EDA: variants seen among roughly 807,000 people sequenced by gnomAD.
EDA encodes ectodysplasin A.
A neutral mutation model predicts 23.6 loss-of-function variants in EDA; 2 were observed. The observed-to-expected ratio is 0.08, with a 90% CI of 0.03 to 0.27. EDA has a LOEUF of 0.27. Among genes scored for constraint, EDA ranks in the 10% least tolerant of loss-of-function variants. The pLI is 1.00. For missense variants in EDA, 229 were observed against 324.2 expected, an observed-to-expected ratio of 0.71 and a Z score of 2.26; for synonymous variants, 131 against 132.0, an observed-to-expected ratio of 0.99 and a Z score of 0.05.
intron 1 of EDA, among the ~76,000 whole-genome samples, chrX:69,677,773 T>C (rs1250897663): frequency 8.9e-6 from 1 of 111,898 alleles, no homozygotes; most frequent in Admixed American, 9.4e-5. Flanking sequence ...ATTCTGTAGG[T>C]TGCCTGTTCA....
At chrX:69,857,236 T>C (rs762574222) in intron 1 of EDA, among the ~76,000 whole-genome samples, 33 of 112,292 alleles carry the variant, frequency 2.9e-4, no homozygotes, top group African/African-American at 1.1e-3. Context: ...TCTATGTGCC[T>C]ATTTTTATAC....
chrX:69,749,207 C>T (rs1344457367), intron 1 of EDA, among the ~76,000 whole-genome samples: 39 of 82,231 alleles, frequency 4.7e-4, no homozygotes, highest in South Asian at 1.6e-3. Flanking sequence ...TTTGTTCTTG[C>T]GATAGTTTAC....
intron 2 of EDA, among the ~76,000 whole-genome samples, chrX:70,012,950 C>T (rs1272605747): frequency 1.8e-5 from 2 of 112,517 alleles, no homozygotes; most frequent in East Asian, 2.8e-4. Context: ...GCTCCCTCCT[C>T]TAATGCCCTC....
chrX:70,030,251 T>C (rs183592598), intron 5 of EDA, among the ~76,000 whole-genome samples: 1 of 112,275 alleles, frequency 8.9e-6, no homozygotes, highest in East Asian at 2.8e-4. Context: ...CTCAGAGGCA[T>C]TACATTTGGT....
chrX:69,678,180 T>C (rs747366610), intron 1 of EDA, among the ~76,000 whole-genome samples: 2 of 110,841 alleles, frequency 1.8e-5, no homozygotes, highest in African/African-American at 6.6e-5. Context: ...CATTGATCTA[T>C]ATCTCTGTTT....
chrX:70,030,943 G>A (rs1165003868), intron 6 of EDA, among the ~76,000 whole-genome samples: 1 of 112,746 alleles, frequency 8.9e-6, no homozygotes, highest in Non-Finnish European at 1.9e-5. Context: ...GGAAGGTGGG[G>A]CATGTTAGAA....
intron 1 of EDA, among the ~76,000 whole-genome samples, chrX:69,916,396 CTT>C (rs782071176): frequency 1.7e-5 from 1 of 58,147 alleles, no homozygotes; most frequent in African/African-American, 7.4e-5. Context: ...CTCTACTGTT[CTT>C]TTTTTTTTTT....
rs754295032 is a variant in EDA at position 69,851,498 on chromosome X, A to G, written c.397-105529A>G. 1.1e-4 allele frequency among the ~76,000 whole-genome samples: 12 copies of G among 112,497 alleles called. No individual in the cohort carries two copies. In the South Asian group the frequency reaches 4.4e-3, roughly 41 times the overall value. Reference sequence around the variant, plus strand: ...TTTGGATGTATTCACCTATGTGTGCATCTGTTCTTTTTCAGCTCTCATTTA... The same window carrying G: ...TTTGGATGTATTCACCTATGTGTGCGTCTGTTCTTTTTCAGCTCTCATTTA... On this transcript the variant is annotated intron_variant, in intron 1 of 7. Coordinates refer to ENST00000374552, the MANE Select transcript of EDA (RefSeq NM_001399.5).
chrX:69,745,670 A>G (rs977671498), intron 1 of EDA, among the ~76,000 whole-genome samples: 7 of 111,883 alleles, frequency 6.3e-5, no homozygotes, highest in African/African-American at 2.3e-4. Flanking sequence ...AGAAAATTCA[A>G]TCATAAAAAC....
chrX:69,626,459 C>G (rs1326682753), intron 1 of EDA, among the ~76,000 whole-genome samples: 2 of 111,989 alleles, frequency 1.8e-5, no homozygotes, highest in African/African-American at 6.5e-5. Flanking sequence ...CAATATTTTT[C>G]AGCCATTAAA....
chrX:70,027,127 ACC>A (rs763990449), intron 3 of EDA, among the ~76,000 whole-genome samples: 1 of 112,217 alleles, frequency 8.9e-6, no homozygotes, highest in South Asian at 3.7e-4. Context: ...CCACAAAGTG[ACC>A]CATAGGTCTA....
At chrX:69,732,103 T>C (rs1009082717) in intron 1 of EDA, among the ~76,000 whole-genome samples, 6 of 112,045 alleles carry the variant, frequency 5.4e-5, no homozygotes, top group Middle Eastern at 4.6e-3. Context: ...AAGATTTATT[T>C]ATTTATTTTA....
chrX:69,785,987 T>C (rs1318259536), intron 1 of EDA, among the ~76,000 whole-genome samples: 1 of 110,869 alleles, frequency 9.0e-6, no homozygotes, highest in East Asian at 2.8e-4. Flanking sequence ...TATTGGTCTA[T>C]TCAGAGATTC....
intron 1 of EDA, among the ~76,000 whole-genome samples, chrX:69,701,431 C>G (rs1053599005): frequency 2.7e-5 from 3 of 112,149 alleles, no homozygotes; most frequent in Middle Eastern, 9.2e-3. Context: ...AGGTGGATTG[C>G]TAGGAGGATT....
chrX:69,627,725 A>G (rs764725799), intron 1 of EDA, among the ~76,000 whole-genome samples: 2 of 112,274 alleles, frequency 1.8e-5, no homozygotes, highest in Non-Finnish European at 3.8e-5. Flanking sequence ...TACTGAAGCT[A>G]CTTTTGAAGA....
intron 1 of EDA, among the ~76,000 whole-genome samples, chrX:69,783,602 A>G (rs1317150689): frequency 1.8e-5 from 2 of 110,995 alleles, no homozygotes; most frequent in South Asian, 3.9e-4. Flanking sequence ...CCATGTCCCT[A>G]CAAAGGACAT....
chrX:70,014,719 A>G (rs2019923283), intron 2 of EDA, among the ~76,000 whole-genome samples: 1 of 112,523 alleles, frequency 8.9e-6, no homozygotes, highest in South Asian at 3.7e-4. Context: ...AGAAAGAACC[A>G]AACTGATGTG....
intron 1 of EDA, among the ~76,000 whole-genome samples, chrX:69,658,824 G>A (rs1933399113): frequency 9.0e-6 from 1 of 111,651 alleles, no homozygotes; most frequent in African/African-American, 3.3e-5. Flanking sequence ...CATTTAAGCT[G>A]CGCAGATCAA....
chrX:69,874,831 A>G (rs2017619109), intron 1 of EDA, among the ~76,000 whole-genome samples: 1 of 112,208 alleles, frequency 8.9e-6, no homozygotes, highest in African/African-American at 3.2e-5. Context: ...TAGGTCTGCT[A>G]TACACCAACA....
Sources: allele counts gnomAD v4.1 joint callset (sites outside exome capture counted in the v4.1 genomes callset), GRCh38; gene constraint gnomAD v4.1.1; transcripts MANE v1.5; gene names NCBI Gene and HGNC (gene_info 2026-07-23, HGNC 2026-07-21).